Variants in PCDH15 observed in about 807,000 individuals in gnomAD.
PCDH15 encodes protocadherin related 15.
PCDH15 carries 129 observed loss-of-function variants against 178.5 expected under a neutral mutation model. The ratio of observed to expected loss-of-function variants is 0.72; its 90% CI spans 0.63 to 0.84. The LOEUF (loss-of-function observed/expected upper bound fraction) is 0.84, where lower values mean the gene tolerates loss of function less well. Among genes scored for constraint, PCDH15 ranks in the 40% least tolerant of loss-of-function variants. The pLI is 0.00. For synonymous variants in PCDH15, 800 were observed against 732.0 expected (o/e 1.09, Z -1.50); for missense variants, 2,230 against 2,099.9 (o/e 1.06, Z -1.21).
In PCDH15 at chr10:55,225,479, T is replaced by G. The variant is rs989283938; in HGVS notation, c.-155-58828A>C. Among the ~76,000 whole-genome samples the G allele has an allele frequency of 4.6e-5, 7 of 152,030 alleles. 1 individual carries two copies. The highest frequency in any genetic ancestry group is 1.5e-4 in the African/African-American group (6 of 41,354). The stretch of plus-strand genomic sequence containing the variant: ...AGAGGATAGCCAAGTGGCAACAGCT[T>G]AGCAAAACAAAAACCATGACATTTT... On this transcript the variant is annotated intron_variant, in intron 1 of 5. Transcript: ENST00000458638.
intron 9 of PCDH15, among the ~76,000 whole-genome samples, chr10:54,222,443 T>G (rs1469349149): frequency 1.3e-5 from 2 of 152,240 alleles, no homozygotes; most frequent in African/African-American, 4.8e-5. Flanking sequence ...TATAAAGATT[T>G]GGAGACTGGC....
intron 25 of PCDH15, among the ~76,000 whole-genome samples, chr10:53,927,149 AGTGT>A (rs59045951): frequency 1.1e-3 from 165 of 149,796 alleles, no homozygotes; most frequent in African/African-American, 3.4e-3. Context: ...TGTAAATGCA[AGTGT>A]GTGTGTGTGT....
intron 1 of PCDH15, among the ~76,000 whole-genome samples, chr10:54,713,771 C>T (rs1445962470): frequency 2.0e-5 from 3 of 152,000 alleles, no homozygotes; most frequent in Admixed American, 6.6e-5. Context: ...TTGAAAATTG[C>T]GTTTTCTAAA....
At chr10:55,302,406 G>C (rs1843309576) in intron 1 of PCDH15, among the ~76,000 whole-genome samples, 2 of 152,062 alleles carry the variant, frequency 1.3e-5, no homozygotes, top group South Asian at 2.1e-4. Flanking sequence ...AGAGAGATGG[G>C]AGAGAGAAAT....
intron 2 of PCDH15, among the ~76,000 whole-genome samples, chr10:55,416,689 G>A (rs1838492044): frequency 6.6e-6 from 1 of 151,678 alleles, no homozygotes; most frequent in African/African-American, 2.4e-5. Flanking sequence ...CTTTTCTGAG[G>A]GCTTTGCTGC....
intron 2 of PCDH15, among the ~76,000 whole-genome samples, chr10:54,590,955 A>C (rs972997825): frequency 1.3e-5 from 2 of 152,326 alleles, no homozygotes; most frequent in Admixed American, 6.5e-5. Context: ...TTACATGTAC[A>C]TGTAGTTGGT....
chr10:53,879,296 T>C (rs2080516430), intron 26 of PCDH15, among the ~76,000 whole-genome samples: 1 of 152,180 alleles, frequency 6.6e-6, no homozygotes, highest in African/African-American at 2.4e-5. Flanking sequence ...GTATAGTTAT[T>C]GATGTCTCTT....
chr10:54,445,325 A>C (rs1372023374), intron 3 of PCDH15, among the ~76,000 whole-genome samples: 1 of 151,464 alleles, frequency 6.6e-6, no homozygotes, highest in Non-Finnish European at 1.5e-5. Flanking sequence ...AGTAGGAGGT[A>C]GAAGTAAAAT....
At chr10:55,356,284 G>C (rs1845078301) in intron 2 of PCDH15, among the ~76,000 whole-genome samples, 1 of 151,658 alleles carries the variant, frequency 6.6e-6, no homozygotes, top group African/African-American at 2.4e-5. Context: ...AGAGATGGGA[G>C]AAAGGAGAGT....
At chr10:54,776,284 T>C (rs1393126307) in intron 1 of PCDH15, among the ~76,000 whole-genome samples, 1 of 152,186 alleles carries the variant, frequency 6.6e-6, no homozygotes, top group African/African-American at 2.4e-5. Context: ...TTTGGATAAA[T>C]GGTCAATAGT....
intron 1 of PCDH15, among the ~76,000 whole-genome samples, chr10:54,692,266 A>G (rs185440033): frequency 6.6e-4 from 100 of 152,282 alleles, no homozygotes; most frequent in South Asian, 2.3e-3. Context: ...TGAGCTCACT[A>G]TATTCACTTT....
chr10:54,596,312 T>C (rs1055343554), intron 2 of PCDH15, among the ~76,000 whole-genome samples: 7 of 152,186 alleles, frequency 4.6e-5, no homozygotes, highest in Non-Finnish European at 1.0e-4. Context: ...CTATATTCAA[T>C]AACCTAAAGA....
At chr10:54,885,866 CTT>C (rs917851486) in intron 3 of PCDH15, among the ~76,000 whole-genome samples, 1 of 152,176 alleles carries the variant, frequency 6.6e-6, no homozygotes, top group South Asian at 2.1e-4. Flanking sequence ...TGTGAATACA[CTT>C]TTTTCTCTTC....
In PCDH15 at chr10:53,976,974, T is replaced by G. The variant is rs532654707; in HGVS notation, c.2869-15082A>C. Among the ~76,000 whole-genome samples, 5 of 151,710 alleles carry G rather than the reference T, an allele frequency of 3.3e-5. No individual in the cohort carries two copies. The South Asian group carries it at 1.0e-3, about 32-fold the overall frequency. On this transcript the variant is annotated intron_variant, in intron 21 of 37. Coordinates refer to ENST00000644397, the MANE Select transcript of PCDH15 (RefSeq NM_001384140.1). ...CGAGATACAAGACCCTTCACTGTCA[T>G]GACTGGCTAACTGAGTCCCTGTTTA...
chr10:54,270,885 G>A (rs2058007068), intron 8 of PCDH15, among the ~76,000 whole-genome samples: 1 of 152,038 alleles, frequency 6.6e-6, no homozygotes, highest in African/African-American at 2.4e-5. Flanking sequence ...GGCAAAATAG[G>A]AAACTAACAA....
chr10:54,842,181 TGC>T (rs557161729), intron 3 of PCDH15, among the ~76,000 whole-genome samples: 4 of 11,974 alleles, frequency 3.3e-4, no homozygotes, highest in South Asian at 7.7e-3. Context: ...TGTGTATGTG[TGC>T]GTGTGTGTGT....
intron 2 of PCDH15, among the ~76,000 whole-genome samples, chr10:55,021,888 C>T (rs1028192344): frequency 5.9e-5 from 9 of 151,728 alleles, no homozygotes; most frequent in African/African-American, 1.9e-4. Flanking sequence ...TTTAACAACC[C>T]GGAAGAACCT....
At chr10:54,063,799 G>A (rs575321191) in intron 18 of PCDH15, among the ~76,000 whole-genome samples, 1 of 152,256 alleles carries the variant, frequency 6.6e-6, no homozygotes, top group East Asian at 1.9e-4. Flanking sequence ...CTGCTTTGGC[G>A]GGACGGGTAG....
intron 13 of PCDH15, among the ~76,000 whole-genome samples, chr10:54,166,828 A>G (rs1052892450): frequency 2.6e-5 from 4 of 152,164 alleles, no homozygotes; most frequent in African/African-American, 9.7e-5. Flanking sequence ...AGAAGTGTAA[A>G]TGGCCAGTCC....
Sources: allele counts gnomAD v4.1 joint callset (sites outside exome capture counted in the v4.1 genomes callset), GRCh38; gene constraint gnomAD v4.1.1; transcripts MANE v1.5; gene names NCBI Gene and HGNC (gene_info 2026-07-23, HGNC 2026-07-21).